The following ASIC2 variants were observed in gnomAD, a reference collection of about 807,000 sequenced individuals.
ASIC2 encodes the protein acid-sensing ion channel 2.
ASIC2 carries 25 observed loss-of-function variants against 57.3 expected under a neutral mutation model. The ratio of observed to expected loss-of-function variants is 0.44; its 90% CI spans 0.32 to 0.61. The LOEUF is 0.61. ASIC2 is among the 20% of genes least tolerant of loss of function. ASIC2 has a pLI of 0.06. For missense variants in ASIC2, 641 were observed against 738.1 expected (o/e 0.87, Z 1.52); for synonymous variants, 319 against 307.5 (o/e 1.04, Z -0.39).
At chr17:33,825,934 T>C (rs192584969) in intron 1 of ASIC2, among the ~76,000 whole-genome samples, 2 of 152,340 alleles carry the variant, frequency 1.3e-5, no homozygotes, top group Non-Finnish European at 2.9e-5. Context: ...ACTTGAAAGT[T>C]CATTTAATTT....
intron 1 of ASIC2, among the ~76,000 whole-genome samples, chr17:34,031,840 C>T (rs1403326959): frequency 1.3e-5 from 2 of 152,192 alleles, no homozygotes; most frequent in African/African-American, 2.4e-5. Context: ...CAAACAAAGC[C>T]TCCAAGACTT....
At chr17:33,048,302 T>C (rs2091962866) in intron 3 of ASIC2, among the ~76,000 whole-genome samples, 1 of 152,202 alleles carries the variant, frequency 6.6e-6, no homozygotes, top group Non-Finnish European at 1.5e-5. Flanking sequence ...TCGAGCTGAC[T>C]AAGAATCTCT....
intron 1 of ASIC2, among the ~76,000 whole-genome samples, chr17:33,940,122 T>C (rs979111122): frequency 6.6e-6 from 1 of 152,200 alleles, no homozygotes; most frequent in African/African-American, 2.4e-5. Context: ...TCCAAGGTCA[T>C]GTGGTCAGCA....
intron 1 of ASIC2, among the ~76,000 whole-genome samples, chr17:33,863,767 A>T (rs1281101255): frequency 6.6e-6 from 1 of 152,230 alleles, no homozygotes; most frequent in African/African-American, 2.4e-5. Flanking sequence ...TCTAAACATT[A>T]GCTGATTTTT....
chr17:33,857,107 C>T (rs1913978446), intron 1 of ASIC2, among the ~76,000 whole-genome samples: 1 of 151,992 alleles, frequency 6.6e-6, no homozygotes, highest in South Asian at 2.1e-4. Context: ...CCTTGGCAGC[C>T]CTAAAATTGA....
At chr17:33,742,089 A>G (rs1351834134) in intron 1 of ASIC2, among the ~76,000 whole-genome samples, 2 of 152,204 alleles carry the variant, frequency 1.3e-5, no homozygotes, top group Non-Finnish European at 2.9e-5. Context: ...TTGCTTGAGC[A>G]TGGCCAGAGA....
intron 1 of ASIC2, chr17:34,041,234 C>T (rs1003133088): frequency 6.6e-6 from 1 of 152,154 alleles, no homozygotes; most frequent in Admixed American, 6.5e-5. Context: ...TCCACATTAC[C>T]GATGTGACTA....
At chr17:33,929,076 G>A (rs956545842) in intron 1 of ASIC2, among the ~76,000 whole-genome samples, 5 of 152,098 alleles carry the variant, frequency 3.3e-5, no homozygotes, top group African/African-American at 1.2e-4. Flanking sequence ...GCACAAGAAC[G>A]CTATTTGAGT....
chr17:33,587,295 A>G (rs1483095882), intron 1 of ASIC2, among the ~76,000 whole-genome samples: 2 of 152,224 alleles, frequency 1.3e-5, no homozygotes, highest in Non-Finnish European at 2.9e-5. Flanking sequence ...GGCTTAATCC[A>G]TATGGGTATT....
At chr17:33,934,850 C>T (rs771062018) in intron 1 of ASIC2, among the ~76,000 whole-genome samples, 3 of 152,228 alleles carry the variant, frequency 2.0e-5, no homozygotes, top group Non-Finnish European at 4.4e-5. Context: ...GTCCCTCCCC[C>T]TCAAGCTTTC....
At chr17:33,419,045 T>A (rs1311782573) in intron 1 of ASIC2, among the ~76,000 whole-genome samples, 2 of 152,132 alleles carry the variant, frequency 1.3e-5, no homozygotes, top group African/African-American at 4.8e-5. Flanking sequence ...GGCACGTATA[T>A]ACCTATGTAA....
intron 1 of ASIC2, among the ~76,000 whole-genome samples, chr17:33,850,982 T>C (rs1913748554): frequency 6.6e-6 from 1 of 152,202 alleles, no homozygotes; most frequent in Admixed American, 6.5e-5. Context: ...GACAGCCATG[T>C]GCAAGTGGAC....
rs554919857 is a variant in ASIC2 at position 33,079,144 on chromosome 17, A to G, written c.987+9719T>C. 1.3e-4 allele frequency among the ~76,000 whole-genome samples: 20 copies of G among 152,364 alleles called. No individual in the cohort carries two copies. In the South Asian group the frequency reaches 4.1e-3, roughly 32 times the overall value. ...TTTCATCCAATGCAATTTATTGAAC[A>G]TCTTGTATATGTAAGGCACCATGTA... On this transcript the variant is annotated intron_variant, in intron 3 of 9. Transcript: ENST00000225823.
intron 1 of ASIC2, among the ~76,000 whole-genome samples, chr17:33,213,198 A>C (rs901395193): frequency 1.3e-5 from 2 of 152,210 alleles, no homozygotes; most frequent in African/African-American, 4.8e-5. Context: ...TCCAATGCAC[A>C]TTAATATGGG....
In ASIC2 at chr17:33,825,722, TC is replaced by T. The variant is rs1912885850; in HGVS notation, c.555+330255del. The stretch of plus-strand genomic sequence containing the variant: ...CCTCAAAACTATAAAAACCTAAGGT[TC>T]CTTTGGACACCATCGAATCTAAGAA... On this transcript the variant is annotated intron_variant, in intron 1 of 9. Transcript: ENST00000359872. Among the ~76,000 whole-genome samples the T allele has an allele frequency of 8.5e-5, 13 of 152,278 alleles. No homozygotes were observed. The South Asian group carries it at 2.7e-3, about 32-fold the overall frequency.
At chr17:33,491,403 C>T (rs917991670) in intron 1 of ASIC2, among the ~76,000 whole-genome samples, 2 of 152,186 alleles carry the variant, frequency 1.3e-5, no homozygotes, top group Non-Finnish European at 2.9e-5. Context: ...AATTCATTTC[C>T]GCATTTCCTA....
chr17:34,119,545 A>G (rs1213446518), intron 1 of ASIC2, among the ~76,000 whole-genome samples: 1 of 151,966 alleles, frequency 6.6e-6, no homozygotes, highest in Non-Finnish European at 1.5e-5. Flanking sequence ...TCATGCCTGA[A>G]TGTGACTCAT....
intron 1 of ASIC2, among the ~76,000 whole-genome samples, chr17:33,172,935 A>G (rs759175751): frequency 1.3e-5 from 2 of 152,230 alleles, no homozygotes; most frequent in South Asian, 2.1e-4. Context: ...GAGGCAAACC[A>G]GAGCTAGAAT....
intron 1 of ASIC2, among the ~76,000 whole-genome samples, chr17:33,455,538 C>T (rs937471753): frequency 6.6e-6 from 1 of 152,250 alleles, no homozygotes; most frequent in African/African-American, 2.4e-5. Context: ...CTTTTTATGG[C>T]TGCATAATAT....
Sources: gnomAD v4.1 joint callset for allele counts (sites outside exome capture counted in the v4.1 genomes callset) on GRCh38, gnomAD v4.1.1 for gene constraint, MANE v1.5 for transcripts, NCBI Gene and HGNC (gene_info 2026-07-23, HGNC 2026-07-21) for gene names.